Variants in KHDRBS2 observed in about 807,000 individuals in gnomAD.
The protein encoded by KHDRBS2 is KH domain-containing, RNA-binding, signal transduction-associated protein 2.
Under a neutral mutation model 44.3 loss-of-function variants are expected in KHDRBS2, and 26 were observed. The observed-to-expected ratio is 0.59, with a 90% confidence interval of 0.43 to 0.81. The LOEUF (loss-of-function observed/expected upper bound fraction) is 0.81, where lower values mean the gene tolerates loss of function less well. Ranked by LOEUF, KHDRBS2 falls within the 40% of genes least tolerant of loss-of-function variation. KHDRBS2 has a pLI of 0.00. For missense variants in KHDRBS2, 476 were observed against 433.1 expected (o/e 1.10, Z -0.88); for synonymous variants, 194 against 151.1 (o/e 1.28, Z -2.08).
At chr6:62,253,641 G>C (rs549953509) in intron 1 of KHDRBS2, among the ~76,000 whole-genome samples, 4 of 152,070 alleles carry the variant, frequency 2.6e-5, no homozygotes, top group Non-Finnish European at 5.9e-5. Flanking sequence ...AGAAGGGGGA[G>C]GAAGAGGAAG....
intron 6 of KHDRBS2, among the ~76,000 whole-genome samples, chr6:61,882,360 G>C (rs1199261335): frequency 6.6e-6 from 1 of 151,906 alleles, no homozygotes; most frequent in Non-Finnish European, 1.5e-5. Flanking sequence ...ATAAGTCAGA[G>C]GTACTGTTGA....
At chr6:62,034,386 A>G (rs550906331) in intron 3 of KHDRBS2, among the ~76,000 whole-genome samples, 2 of 151,924 alleles carry the variant, frequency 1.3e-5, no homozygotes, top group Non-Finnish European at 2.9e-5. Context: ...ACCACAGGAT[A>G]ATATCTCTGA....
rs544509052 is a variant in KHDRBS2 at position 61,996,829 on chromosome 6, G to A, written c.337-18617C>T. On this transcript the variant is annotated intron_variant, in intron 3 of 8. Transcript: ENST00000281156. The stretch of plus-strand genomic sequence containing the variant: ...GATAGAGTCTTGCTCTGTCACCCAG[G>A]CTGGAGTGCAGTGGCATGATCTCGG... 2.2e-5 allele frequency among the ~76,000 whole-genome samples: 3 copies of A among 136,684 alleles called. No individual in the cohort carries two copies. The East Asian group carries it at 6.4e-4, about 29-fold the overall frequency. The allele number at this position is 136,684 out of a possible 152,430, so 89.7% of individuals were successfully genotyped here. A position where few individuals can be genotyped will look rare whatever the true frequency, so the allele number is the denominator to read the frequency against.
chr6:61,589,684 T>G, the KHDRBS2 span, among the ~76,000 whole-genome samples: 1 of 152,154 alleles, frequency 6.6e-6, no homozygotes, highest in African/African-American at 2.4e-5. Flanking sequence ...GTCCCACCAG[T>G]GGATGATTTT....
intron 6 of KHDRBS2, chr6:61,817,150 C>A: frequency 3.2e-6 from 1 of 316,764 alleles, no homozygotes; most frequent in Non-Finnish European, 6.4e-6. Flanking sequence ...AATGATGACT[C>A]AATTCCAAAA....
the KHDRBS2 span, among the ~76,000 whole-genome samples, chr6:61,638,631 A>G: frequency 6.6e-6 from 1 of 152,068 alleles, no homozygotes; most frequent in Non-Finnish European, 1.5e-5. Context: ...CAAAAGTTCA[A>G]CATATACTTT....
chr6:61,816,890 C>G, intron 6 of KHDRBS2: 1 of 452,862 alleles, frequency 2.2e-6, no homozygotes, highest in Non-Finnish European at 4.4e-6. Context: ...TACACTTTTA[C>G]AATTTATGCA....
At chr6:62,082,515 C>G (rs1027932709) in intron 2 of KHDRBS2, among the ~76,000 whole-genome samples, 5 of 152,112 alleles carry the variant, frequency 3.3e-5, no homozygotes, top group African/African-American at 1.2e-4. Context: ...TAGACTTCTC[C>G]TTTCATGGAA....
chr6:62,156,725 GC>G (rs1816476698), intron 2 of KHDRBS2, among the ~76,000 whole-genome samples: 1 of 152,016 alleles, frequency 6.6e-6, no homozygotes, highest in Non-Finnish European at 1.5e-5. Context: ...GGAGTGCAGT[GC>G]AGTGGCGTGA....
intron 4 of KHDRBS2, among the ~76,000 whole-genome samples, chr6:61,934,523 A>G (rs1396488404): frequency 2.0e-5 from 3 of 152,222 alleles, no homozygotes; most frequent in Non-Finnish European, 4.4e-5. Context: ...AATAACATCT[A>G]TTCAAAGTCA....
In KHDRBS2 at chr6:61,763,282, C is replaced by A. The variant is rs561358238; in HGVS notation, c.811-30518G>T. On this transcript the variant is annotated intron_variant, in intron 6 of 8. Coordinates refer to ENST00000281156, the MANE Select transcript of KHDRBS2 (RefSeq NM_152688.4). ...GATTTGAAACGGGCTTTATAAATAT[C>A]ATGGAATAAATAAATAATTGGATAA... Among the ~76,000 whole-genome samples the A allele has an allele frequency of 1.0e-3, 158 of 152,218 alleles. No homozygotes were observed. In the Middle Eastern group the frequency reaches 0.017, roughly 16 times the overall value.
chr6:62,199,745 A>G (rs970420624), intron 1 of KHDRBS2, among the ~76,000 whole-genome samples: 1 of 152,222 alleles, frequency 6.6e-6, no homozygotes, highest in African/African-American at 2.4e-5. Context: ...TTTAAAGTTC[A>G]CATGGAACCA....
intron 1 of KHDRBS2, among the ~76,000 whole-genome samples, chr6:62,233,386 T>A (rs945858334): frequency 2.6e-5 from 4 of 152,148 alleles, no homozygotes; most frequent in African/African-American, 9.7e-5. Flanking sequence ...AGATTTAACT[T>A]CTCATGTCTA....
chr6:62,269,101 C>A (rs1839666965), intron 1 of KHDRBS2, among the ~76,000 whole-genome samples: 2 of 151,942 alleles, frequency 1.3e-5, no homozygotes, highest in Non-Finnish European at 2.9e-5. Flanking sequence ...AAAATTATTT[C>A]TAGATGGGAC....
At chr6:61,560,215 T>C in the KHDRBS2 span, among the ~76,000 whole-genome samples, 6 of 152,266 alleles carry the variant, frequency 3.9e-5, no homozygotes, top group African/African-American at 1.4e-4. Context: ...TTTTTACTCT[T>C]GTTAAAAAAT....
intron 4 of KHDRBS2, among the ~76,000 whole-genome samples, chr6:61,951,886 G>C (rs1260323264): frequency 2.1e-5 from 3 of 145,774 alleles, no homozygotes; most frequent in Non-Finnish European, 4.6e-5. Context: ...ACACATTAGA[G>C]AGGTTCTGTA....
In KHDRBS2 at chr6:62,093,334, C is replaced by T. The variant is rs796229455; in HGVS notation, c.220-45340G>A. 9.2e-5 allele frequency among the ~76,000 whole-genome samples: 14 copies of T among 151,830 alleles called. 1 individual carries two copies. Among genetic ancestry groups the T allele is most frequent in the African/African-American group, 3.4e-4 (14 of 41,466 alleles). ...TCAACTTAATGTTTCAGGCAATTTT[C>T]CCAACTAAGCTTTATTTTATAATGG... On this transcript the variant is annotated intron_variant, in intron 2 of 8. Coordinates refer to ENST00000281156, the MANE Select transcript of KHDRBS2 (RefSeq NM_152688.4).
At position 61,943,288 on chromosome 6, in the gene KHDRBS2, T is replaced by C. The variant is rs116477933; in HGVS notation, c.483+34778A>G. Reference sequence around the variant, plus strand: ...TACACCTGGAGGAAAACAAACAATGTTTACCATCATGGAAGCATATGAAAG... The same window carrying C: ...TACACCTGGAGGAAAACAAACAATGCTTACCATCATGGAAGCATATGAAAG... On this transcript the variant is annotated intron_variant, in intron 4 of 8. Coordinates refer to ENST00000281156, the MANE Select transcript of KHDRBS2 (RefSeq NM_152688.4). Among the ~76,000 whole-genome samples the C allele has an allele frequency of 2.0e-3, 296 of 151,764 alleles. 2 individuals carry two copies. The highest frequency in any genetic ancestry group is 7.0e-3 in the African/African-American group (290 of 41,388).
At chr6:61,771,393 A>C (rs932281218) in intron 6 of KHDRBS2, among the ~76,000 whole-genome samples, 1 of 152,202 alleles carries the variant, frequency 6.6e-6, no homozygotes, top group South Asian at 2.1e-4. Context: ...CAGACTGGCA[A>C]ATTGGATAAA....
Sources: gnomAD v4.1 joint callset for allele counts (sites outside exome capture counted in the v4.1 genomes callset) on GRCh38, gnomAD v4.1.1 for gene constraint, MANE v1.5 for transcripts, NCBI Gene and HGNC (gene_info 2026-07-23, HGNC 2026-07-21) for gene names.